The following ELF1 variants were observed in gnomAD, a reference collection of about 807,000 sequenced individuals.
The protein encoded by ELF1 is ETS-related transcription factor Elf-1.
A neutral mutation model predicts 59.9 loss-of-function variants in ELF1; 24 were observed. The ratio of observed to expected loss-of-function variants is 0.40; its 90% confidence interval spans 0.29 to 0.56. The LOEUF is 0.56. ELF1 is among the 20% of genes least tolerant of loss of function. The pLI is 0.44. For missense variants in ELF1, 627 were observed against 742.2 expected, an observed-to-expected ratio of 0.84 and a Z score of 1.80; for synonymous variants, 248 against 266.2, an observed-to-expected ratio of 0.93 and a Z score of 0.67.
At chr13:40,973,861 C>A (rs1346554634) in intron 2 of ELF1, among the ~76,000 whole-genome samples, 2 of 152,092 alleles carry the variant, frequency 1.3e-5, no homozygotes. Context: ...ATACATGGCA[C>A]AACACAGATG....
At chr13:40,981,595 T>C (rs1468854993) in intron 2 of ELF1, among the ~76,000 whole-genome samples, 2 of 152,112 alleles carry the variant, frequency 1.3e-5, no homozygotes, top group Non-Finnish European at 2.9e-5. Context: ...ACCGCTAACG[T>C]TGTCTCATCT....
intron 2 of ELF1, among the ~76,000 whole-genome samples, chr13:40,975,293 A>T (rs1872834865): frequency 6.6e-6 from 1 of 152,214 alleles, no homozygotes. Context: ...CAGTTGAAAA[A>T]TGGCAGGTTG....
In ELF1 at chr13:40,933,519, G is replaced by A. The variant is rs368677066; in HGVS notation, c.1766C>T (p.Pro589Leu). The A allele has an allele frequency of 5.4e-5, 87 of 1,614,080 alleles. No homozygotes were observed. Among genetic ancestry groups the A allele is most frequent in the Non-Finnish European group, 7.3e-5 (86 of 1,180,046 alleles). The change falls in exon 9 of 9, where the codon CCA (proline) becomes CTA (leucine). Residue 589 changes from proline (P) to leucine (L), a missense_variant. Around this residue, in one of 3 missense-constraint regions of ELF1, gnomAD observed 361 missense variants for 396.1 expected, o/e 0.91. Coordinates refer to ENST00000239882, the MANE Select transcript of ELF1 (RefSeq NM_172373.4). ...KENTEKTEQQ[P>L]QPYVMVVSSS... Reference sequence around the variant, plus strand: ...GGACACTACCATCACATAAGGCTGTGGCTGCTGCTCCGTTTTCTCAGTGTT... The same window carrying A: ...GGACACTACCATCACATAAGGCTGTAGCTGCTGCTCCGTTTTCTCAGTGTT...
chr13:41,002,832 A>T (rs771386290), intron 1 of ELF1, among the ~76,000 whole-genome samples: 1 of 152,132 alleles, frequency 6.6e-6, no homozygotes, highest in Non-Finnish European at 1.5e-5. Flanking sequence ...GGCAAAGTTC[A>T]TTCTCCCATG....
chr13:40,978,367 G>GC (rs1343045907), intron 2 of ELF1, among the ~76,000 whole-genome samples: 2 of 148,952 alleles, frequency 1.3e-5, no homozygotes, highest in African/African-American at 5.0e-5. Context: ...GACGAGGCAA[G>GC]ACTCAGTCTC....
chr13:41,057,280 G>C (rs1311938271), intron 1 of ELF1, among the ~76,000 whole-genome samples: 1 of 151,178 alleles, frequency 6.6e-6, no homozygotes, highest in Non-Finnish European at 1.5e-5. Context: ...CCTTAGGCTT[G>C]CAAGTAGCTA....
chr13:41,060,598 C>A lies in ELF1; in HGVS notation c.-229+240G>T, dbSNP rs868351704. Among the ~76,000 whole-genome samples, 6 of 152,306 alleles carry A rather than the reference C, an allele frequency of 3.9e-5. No individual in the cohort carries two copies. In the South Asian group the frequency reaches 8.3e-4, roughly 21 times the overall value. On this transcript the variant is annotated intron_variant, in intron 1 of 1. Transcript: ENST00000405737. Reference sequence around the variant, plus strand: ...CGAGGCTCCAAAAGCCGCAGCCCAGCTCCTGGCGCCACTAACTACAGTAAT... The same window carrying A: ...CGAGGCTCCAAAAGCCGCAGCCCAGATCCTGGCGCCACTAACTACAGTAAT...
chr13:41,048,311 G>T (rs1876946364), intron 1 of ELF1, among the ~76,000 whole-genome samples: 1 of 152,230 alleles, frequency 6.6e-6, no homozygotes, highest in Non-Finnish European at 1.5e-5. Flanking sequence ...AAGCCCCAGT[G>T]AGATGAACCC....
At chr13:41,033,413 C>G (rs1161051449) in intron 1 of ELF1, among the ~76,000 whole-genome samples, 1 of 152,162 alleles carries the variant, frequency 6.6e-6, no homozygotes, top group African/African-American at 2.4e-5. Context: ...CGAAAAGAGG[C>G]AGATGAACAA....
At chr13:41,023,338 A>T (rs77280769), upstream of ELF1, among the ~76,000 whole-genome samples, 13 of 152,362 alleles carry the variant, frequency 8.5e-5, no homozygotes, top group East Asian at 2.5e-3. Flanking sequence ...GGCTAAAAAA[A>T]GCTTTGTTTG....
At chr13:40,964,727 G>T (rs1260862328) in intron 2 of ELF1, among the ~76,000 whole-genome samples, 3 of 152,092 alleles carry the variant, frequency 2.0e-5, no homozygotes, top group African/African-American at 4.8e-5. Context: ...CACAGATGGG[G>T]TTTCTCCATG....
chr13:41,035,934 C>G (rs1322491580), intron 1 of ELF1, among the ~76,000 whole-genome samples: 1 of 148,596 alleles, frequency 6.7e-6, no homozygotes, highest in Non-Finnish European at 1.5e-5. Flanking sequence ...GAGTCTTGCT[C>G]TGTCACCCAG....
At chr13:41,032,849 TAAAA>T (rs56310760) in intron 1 of ELF1, among the ~76,000 whole-genome samples, 1 of 135,460 alleles carries the variant, frequency 7.4e-6, no homozygotes, top group Admixed American at 7.4e-5. Context: ...ACCTTGTTTC[TAAAA>T]AAAAAAAAAA....
At chr13:40,965,912 G>T (rs940080578) in intron 2 of ELF1, among the ~76,000 whole-genome samples, 1 of 152,162 alleles carries the variant, frequency 6.6e-6, no homozygotes, top group African/African-American at 2.4e-5. Flanking sequence ...CTATCTGGGG[G>T]TGTGACCAGA....
At chr13:40,970,723 TA>T (rs1872485819) in intron 2 of ELF1, among the ~76,000 whole-genome samples, 1 of 152,204 alleles carries the variant, frequency 6.6e-6, no homozygotes, top group South Asian at 2.1e-4. Flanking sequence ...TCCTCATTTT[TA>T]TGGATTATGT....
At chr13:41,042,304 C>CTT (rs60867312) in intron 1 of ELF1, among the ~76,000 whole-genome samples, 2 of 146,540 alleles carry the variant, frequency 1.4e-5, no homozygotes, top group Admixed American at 6.8e-5. Context: ...TTTTCTTTTT[C>CTT]TTTTTTTTTT....
intron 1 of ELF1, among the ~76,000 whole-genome samples, chr13:41,046,252 T>C (rs141300098): frequency 6.6e-6 from 1 of 152,332 alleles, no homozygotes; most frequent in Non-Finnish European, 1.5e-5. Flanking sequence ...TGCCAATCTG[T>C]GTCTTTTAAT....
At chr13:41,047,230 G>C (rs552815824) in intron 1 of ELF1, among the ~76,000 whole-genome samples, 9 of 152,240 alleles carry the variant, frequency 5.9e-5, no homozygotes, top group Admixed American at 5.9e-4. Flanking sequence ...CAAACTTCCT[G>C]CTTTAGCTCA....
intron 8 of ELF1, among the ~76,000 whole-genome samples, chr13:40,935,652 A>G (rs1593345544): frequency 6.7e-6 from 1 of 150,316 alleles, no homozygotes; most frequent in Non-Finnish European, 1.5e-5. Flanking sequence ...TGGGTACAGT[A>G]CCTGACGCTA....
Sources: gnomAD v4.1 joint callset for allele counts (sites outside exome capture counted in the v4.1 genomes callset) on GRCh38, gnomAD v4.1.1 for gene constraint, gnomAD v4.1.1 regional missense constraint, MANE v1.5 for transcripts, NCBI Gene and HGNC (gene_info 2026-07-23, HGNC 2026-07-21) for gene names.